Variants in NCAM2 observed in about 807,000 individuals in gnomAD.
NCAM2 encodes N-CAM-2.
Under a neutral mutation model 98.1 loss-of-function variants are expected in NCAM2, and 30 were observed. The observed-to-expected ratio is 0.31, with a 90% confidence interval of 0.23 to 0.41. NCAM2 has a LOEUF of 0.41. Among genes scored for constraint, NCAM2 ranks in the 10% least tolerant of loss-of-function variants. The pLI is 1.00. For synonymous variants in NCAM2, 368 were observed against 342.4 expected, an observed-to-expected ratio of 1.07 and a Z score of -0.83; for missense variants, 867 against 1,005.8, an observed-to-expected ratio of 0.86 and a Z score of 1.87.
intron 9 of NCAM2, among the ~76,000 whole-genome samples, chr21:21,384,592 T>C (rs1283853220): frequency 1.3e-5 from 2 of 152,012 alleles, no homozygotes; most frequent in African/African-American, 2.4e-5. Context: ...TTTAGCATGA[T>C]ACTGACTTGC....
chr21:21,203,998 G>A (rs1451088296), intron 1 of NCAM2, among the ~76,000 whole-genome samples: 1 of 152,038 alleles, frequency 6.6e-6, no homozygotes, highest in Non-Finnish European at 1.5e-5. Context: ...CTTTGATAAT[G>A]TGGCAGAATA....
chr21:21,265,585 TA>T (rs898771048), intron 1 of NCAM2, among the ~76,000 whole-genome samples: 10 of 148,948 alleles, frequency 6.7e-5, no homozygotes, highest in African/African-American at 1.7e-4. Flanking sequence ...ACACAGACAT[TA>T]AAAAAAATGC....
chr21:21,406,945 CT>C (rs2076751084), intron 9 of NCAM2, among the ~76,000 whole-genome samples: 1 of 152,138 alleles, frequency 6.6e-6, no homozygotes, highest in South Asian at 2.1e-4. Flanking sequence ...GCAAAAGTAT[CT>C]TTCCACTTCT....
chr21:21,489,080 T>C (rs1279436778), intron 15 of NCAM2, among the ~76,000 whole-genome samples: 1 of 152,120 alleles, frequency 6.6e-6, no homozygotes, highest in African/African-American at 2.4e-5. Context: ...CACCTCCGCC[T>C]CCTGTGTACA....
chr21:21,454,388 A>G (rs951601076), intron 12 of NCAM2, among the ~76,000 whole-genome samples: 2 of 151,808 alleles, frequency 1.3e-5, no homozygotes, highest in African/African-American at 4.8e-5. Context: ...TCCAGCAGCT[A>G]TTTTCTCCAT....
intron 1 of NCAM2, among the ~76,000 whole-genome samples, chr21:21,116,988 C>G (rs1006970332): frequency 6.6e-6 from 1 of 151,778 alleles, no homozygotes. Flanking sequence ...CACCAAAATT[C>G]TTGTGTTTTT....
chr21:21,275,598 C>A (rs182296137), intron 1 of NCAM2, among the ~76,000 whole-genome samples: 2 of 152,142 alleles, frequency 1.3e-5, no homozygotes, highest in East Asian at 3.9e-4. Context: ...TAGTAAAATT[C>A]TTTGTCATAT....
intron 1 of NCAM2, among the ~76,000 whole-genome samples, chr21:21,066,732 G>A (rs1020997881): frequency 2.0e-5 from 3 of 151,968 alleles, no homozygotes. Flanking sequence ...ATTTACATTT[G>A]AAATATTATA....
intron 1 of NCAM2, among the ~76,000 whole-genome samples, chr21:21,040,323 T>G (rs1285417814): frequency 6.6e-6 from 1 of 152,278 alleles, no homozygotes; most frequent in East Asian, 1.9e-4. Context: ...ACTGCCAGTT[T>G]GAGTTCTGGT....
intron 1 of NCAM2, among the ~76,000 whole-genome samples, chr21:21,191,189 G>A (rs1197072233): frequency 6.6e-6 from 1 of 152,132 alleles, no homozygotes; most frequent in East Asian, 1.9e-4. Flanking sequence ...TACAGAACAG[G>A]TGGACTGCAT....
At chr21:21,443,726 G>A (rs912614302) in intron 12 of NCAM2, among the ~76,000 whole-genome samples, 1 of 152,090 alleles carries the variant, frequency 6.6e-6, no homozygotes, top group African/African-American at 2.4e-5. Flanking sequence ...TGTTCTGTAG[G>A]AGGACCTATA....
At chr21:21,399,405 A>T (rs2076581353) in intron 9 of NCAM2, among the ~76,000 whole-genome samples, 1 of 152,198 alleles carries the variant, frequency 6.6e-6, no homozygotes. Flanking sequence ...TAAAAAGGAC[A>T]TTTGAAAATT....
chr21:21,048,168 T>C (rs2065036256), intron 1 of NCAM2, among the ~76,000 whole-genome samples: 1 of 152,196 alleles, frequency 6.6e-6, no homozygotes. Context: ...TGAAGTCTGC[T>C]ATCTGAGAGC....
intron 1 of NCAM2, among the ~76,000 whole-genome samples, chr21:21,025,440 G>T (rs553798803): frequency 6.6e-6 from 1 of 152,176 alleles, no homozygotes; most frequent in African/African-American, 2.4e-5. Flanking sequence ...TATGAGAGAC[G>T]TCATTTCTAA....
chr21:21,239,698 C>T lies in NCAM2; in HGVS notation c.56-40880C>T, dbSNP rs1432899708. Reference sequence around the variant, plus strand: ...TTTTTTTTTCTCTGCTCTTAAAGCACATTTTATCATAGTCAGTCTTTTCAA... The same window carrying T: ...TTTTTTTTTCTCTGCTCTTAAAGCATATTTTATCATAGTCAGTCTTTTCAA... On this transcript the variant is annotated intron_variant, in intron 1 of 17. Transcript: ENST00000400546. Among the ~76,000 whole-genome samples, 3 of 151,960 alleles carry T rather than the reference C, an allele frequency of 2.0e-5. No individual in the cohort carries two copies. The East Asian group carries it at 5.8e-4, about 29-fold the overall frequency.
chr21:21,428,706 AAGAT>A (rs1288961161), intron 11 of NCAM2, among the ~76,000 whole-genome samples: 1 of 152,208 alleles, frequency 6.6e-6, no homozygotes, highest in Non-Finnish European at 1.5e-5. Context: ...TGTGATGTAT[AAGAT>A]AGATAGGAAT....
intron 8 of NCAM2, among the ~76,000 whole-genome samples, chr21:21,365,879 G>A (rs1044692153): frequency 8.5e-5 from 13 of 152,090 alleles, no homozygotes; most frequent in African/African-American, 3.1e-4. Flanking sequence ...TAAGTGCTAT[G>A]ATTTCCTTTT....
At position 21,496,527 on chromosome 21, in the gene NCAM2, C is replaced by T. The variant is rs774844417; in HGVS notation, c.2078-12324C>T. Among the ~76,000 whole-genome samples, 10 of 151,986 alleles carry T rather than the reference C, an allele frequency of 6.6e-5. No individual in the cohort carries two copies. The South Asian group carries it at 1.7e-3, about 25-fold the overall frequency. Reference sequence around the variant, plus strand: ...CTGGATAATAGACCTTTGTAGGATGCGTTGTTCGTGAATATTTTCCCCCGT... The same window carrying T: ...CTGGATAATAGACCTTTGTAGGATGTGTTGTTCGTGAATATTTTCCCCCGT... On this transcript the variant is annotated intron_variant, in intron 15 of 17. Coordinates refer to ENST00000400546, the MANE Select transcript of NCAM2 (RefSeq NM_004540.5).
intron 1 of NCAM2, among the ~76,000 whole-genome samples, chr21:21,100,586 TA>T (rs2146486144): frequency 6.6e-6 from 1 of 152,196 alleles, no homozygotes; most frequent in South Asian, 2.1e-4. Context: ...TTTCCTGTTA[TA>T]ATGCAGAAGG....
Sources: allele counts gnomAD v4.1 joint callset (sites outside exome capture counted in the v4.1 genomes callset), GRCh38; gene constraint gnomAD v4.1.1; transcripts MANE v1.5; gene names NCBI Gene and HGNC (gene_info 2026-07-23, HGNC 2026-07-21).